MMP16: variants seen among roughly 807,000 people sequenced by gnomAD.
MMP16 encodes matrix metalloproteinase-16.
A neutral mutation model predicts 67.8 loss-of-function variants in MMP16; 12 were observed. The ratio of observed to expected loss-of-function variants is 0.18; its 90% CI spans 0.11 to 0.29. The LOEUF (loss-of-function observed/expected upper bound fraction) is 0.29, where lower values mean the gene tolerates loss of function less well. Among genes scored for constraint, MMP16 ranks in the 10% least tolerant of loss-of-function variants. The pLI is 1.00. For synonymous variants in MMP16, 249 were observed against 255.9 expected (o/e 0.97, Z 0.26); for missense variants, 475 against 765.7 (o/e 0.62, Z 4.48).
intron 9 of MMP16, among the ~76,000 whole-genome samples, chr8:88,045,599 C>G (rs1808189554): frequency 6.6e-6 from 1 of 152,116 alleles, no homozygotes; most frequent in South Asian, 2.1e-4. Context: ...GTCCCAAACT[C>G]AGGTAATCTA....
At chr8:88,250,106 A>T (rs951725901) in intron 1 of MMP16, among the ~76,000 whole-genome samples, 2 of 151,970 alleles carry the variant, frequency 1.3e-5, no homozygotes, top group African/African-American at 4.8e-5. Flanking sequence ...GCTGTAGAGA[A>T]CTCTTATCCC....
At chr8:88,052,224 C>T (rs1487103613) in intron 8 of MMP16, among the ~76,000 whole-genome samples, 6 of 152,166 alleles carry the variant, frequency 3.9e-5, no homozygotes, top group Non-Finnish European at 8.8e-5. Flanking sequence ...CAAGCATGGA[C>T]ATTTCAATCT....
chr8:88,313,395 T>C (rs1391852598), intron 1 of MMP16, among the ~76,000 whole-genome samples: 3 of 152,202 alleles, frequency 2.0e-5, no homozygotes, highest in Non-Finnish European at 4.4e-5. Flanking sequence ...TTCTCCACTA[T>C]CTTTTCCTTG....
chr8:88,276,308 G>A (rs1341771807), intron 1 of MMP16, among the ~76,000 whole-genome samples: 2 of 152,106 alleles, frequency 1.3e-5, no homozygotes, highest in African/African-American at 4.8e-5. Flanking sequence ...AAGTGGGTGT[G>A]TGCATGTGCA....
At chr8:88,116,383 T>C (rs1385265693) in intron 6 of MMP16, 124 bp downstream of exon 6, 7 of 825,850 alleles carry the variant, frequency 8.5e-6, no homozygotes, top group Non-Finnish European at 1.3e-5. Context: ...TAAAATGCTT[T>C]TTTTGAACTT....
intron 1 of MMP16, among the ~76,000 whole-genome samples, chr8:88,239,632 C>T (rs1810003527): frequency 6.6e-6 from 1 of 151,794 alleles, no homozygotes; most frequent in Non-Finnish European, 1.5e-5. Flanking sequence ...TACATGACTA[C>T]TAAAATGCTA....
intron 1 of MMP16, among the ~76,000 whole-genome samples, chr8:88,305,408 C>T (rs58378440): frequency 0.03 from 4,558 of 152,180 alleles, 229 homozygotes; most frequent in African/African-American, 0.1. Context: ...CAAAGATATT[C>T]GGGACTTGAA....
chr8:88,081,594 T>C (rs1808752718), intron 6 of MMP16, among the ~76,000 whole-genome samples: 1 of 151,974 alleles, frequency 6.6e-6, no homozygotes, highest in South Asian at 2.1e-4. Flanking sequence ...CTAAAAAGAA[T>C]TAAAAGAAAA....
chr8:88,055,769 T>A (rs1175074435), intron 8 of MMP16, among the ~76,000 whole-genome samples: 1 of 152,176 alleles, frequency 6.6e-6, no homozygotes, highest in Non-Finnish European at 1.5e-5. Flanking sequence ...AACACAAAAA[T>A]CCTGTGCTTG....
At chr8:88,131,991 T>C (rs891317506) in intron 4 of MMP16, among the ~76,000 whole-genome samples, 1 of 151,844 alleles carries the variant, frequency 6.6e-6, no homozygotes, top group African/African-American at 2.4e-5. Context: ...GGATATGTCT[T>C]CTGCAGAGGT....
chr8:88,157,000 C>T (rs1274174587), intron 4 of MMP16, among the ~76,000 whole-genome samples: 1 of 152,088 alleles, frequency 6.6e-6, no homozygotes, highest in African/African-American at 2.4e-5. Context: ...TTGCAGCAGA[C>T]ATGGACTAGC....
chr8:88,116,158 T>C (rs969546081), intron 6 of MMP16, among the ~76,000 whole-genome samples: 1 of 152,082 alleles, frequency 6.6e-6, no homozygotes, highest in Non-Finnish European at 1.5e-5. Flanking sequence ...ATAGCTGCAG[T>C]ATGCCTGGAA....
intron 4 of MMP16, among the ~76,000 whole-genome samples, chr8:88,121,930 T>C (rs1431957871): frequency 6.6e-6 from 1 of 152,044 alleles, no homozygotes; most frequent in Admixed American, 6.6e-5. Flanking sequence ...AAAATGATCA[T>C]GTAATATTTT....
intron 1 of MMP16, among the ~76,000 whole-genome samples, chr8:88,214,847 G>A (rs1042235815): frequency 6.6e-6 from 1 of 152,080 alleles, no homozygotes; most frequent in Non-Finnish European, 1.5e-5. Context: ...TCCTGATTCA[G>A]CTCCCTGTTT....
intron 6 of MMP16, among the ~76,000 whole-genome samples, chr8:88,111,311 C>G (rs1289358984): frequency 3.3e-5 from 5 of 151,678 alleles, no homozygotes; most frequent in Non-Finnish European, 2.9e-5. Context: ...TTTCATATAT[C>G]TAGACCAATG....
intron 4 of MMP16, among the ~76,000 whole-genome samples, chr8:88,132,433 G>T (rs964313356): frequency 1.3e-5 from 2 of 151,828 alleles, no homozygotes; most frequent in African/African-American, 4.8e-5. Context: ...AGATTTTTGT[G>T]AGGTTTCAAA....
intron 3 of MMP16, among the ~76,000 whole-genome samples, chr8:88,185,367 G>C (rs1462892398): frequency 6.6e-6 from 1 of 151,980 alleles, no homozygotes; most frequent in Admixed American, 6.6e-5. Context: ...GCTAAGGCAG[G>C]AGAATTGCTT....
intron 7 of MMP16, among the ~76,000 whole-genome samples, chr8:88,071,850 A>G (rs1329072252): frequency 1.3e-5 from 2 of 152,186 alleles, no homozygotes; most frequent in African/African-American, 4.8e-5. Flanking sequence ...AAAAACAAAG[A>G]AAGGTATATA....
intron 1 of MMP16, among the ~76,000 whole-genome samples, chr8:88,199,806 C>T (rs1809313824): frequency 6.6e-6 from 1 of 151,722 alleles, no homozygotes; most frequent in Non-Finnish European, 1.5e-5. Flanking sequence ...GAAGTATATC[C>T]CTGTTTTCAT....
Sources: allele counts gnomAD v4.1 joint callset (sites outside exome capture counted in the v4.1 genomes callset), GRCh38; gene constraint gnomAD v4.1.1; transcripts MANE v1.5; gene names NCBI Gene and HGNC (gene_info 2026-07-23, HGNC 2026-07-21).